Variants in GAREM1 observed in about 807,000 individuals in gnomAD.
GAREM1 encodes GRB2 associated regulator of MAPK1 subtype 1, also known as GRB2-associated and regulator of MAPK protein 1.
GAREM1 carries 26 observed loss-of-function variants against 71.3 expected under a neutral mutation model. The observed-to-expected ratio is 0.36, with a 90% CI of 0.27 to 0.51. The LOEUF (loss-of-function observed/expected upper bound fraction) is 0.51, where lower values mean the gene tolerates loss of function less well. Among genes scored for constraint, GAREM1 ranks in the 20% least tolerant of loss-of-function variants. The pLI, the probability that GAREM1 is intolerant of heterozygous loss-of-function variation, is 0.95. For missense variants in GAREM1, 1,026 were observed against 1,103.1 expected, an observed-to-expected ratio of 0.93 and a Z score of 0.99; for synonymous variants, 440 against 433.2, an observed-to-expected ratio of 1.02 and a Z score of -0.20.
intron 3 of GAREM1, among the ~76,000 whole-genome samples, chr18:32,295,106 C>A (rs1445785901): frequency 6.6e-6 from 1 of 151,650 alleles, no homozygotes; most frequent in African/African-American, 2.4e-5. Flanking sequence ...GCTCTGTCAC[C>A]CAGGCTGGAG....
chr18:32,340,065 T>C (rs1173925580), intron 2 of GAREM1, among the ~76,000 whole-genome samples: 1 of 152,200 alleles, frequency 6.6e-6, no homozygotes, highest in Non-Finnish European at 1.5e-5. Context: ...AACACAGCAG[T>C]TCCCCTGTTC....
intron 2 of GAREM1, among the ~76,000 whole-genome samples, chr18:32,330,716 T>A (rs2047524929): frequency 6.6e-6 from 1 of 152,162 alleles, no homozygotes; most frequent in African/African-American, 2.4e-5. Flanking sequence ...GGGAATGTAC[T>A]ATCAGGATGA....
chr18:32,378,941 T>A (rs540985548), intron 2 of GAREM1, among the ~76,000 whole-genome samples: 1 of 152,300 alleles, frequency 6.6e-6, no homozygotes, highest in East Asian at 1.9e-4. Flanking sequence ...GCTCACTGCT[T>A]ACGGGAGACA....
At position 32,387,647 on chromosome 18, in the gene GAREM1, C is replaced by T. The variant is rs564842043; in HGVS notation, c.262+5248G>A. ...AATTATTTGGTATACCAAGAAAACA[C>T]CTTTTGTCTAAAACTTATTTTGCCA... On this transcript the variant is annotated intron_variant, in intron 2 of 5. Coordinates refer to ENST00000269209, the MANE Select transcript of GAREM1 (RefSeq NM_001242409.2). 7.2e-5 allele frequency among the ~76,000 whole-genome samples: 11 copies of T among 152,244 alleles called. No homozygotes were observed. In the East Asian group the frequency reaches 1.9e-3, roughly 27 times the overall value.
intron 4 of GAREM1, among the ~76,000 whole-genome samples, chr18:32,282,752 C>T (rs553093513): frequency 5.9e-5 from 9 of 152,178 alleles, no homozygotes; most frequent in South Asian, 2.1e-4. Context: ...ATTGCATAGA[C>T]GAGAACAGAC....
At chr18:32,368,170 A>G (rs986524690) in intron 2 of GAREM1, among the ~76,000 whole-genome samples, 4 of 151,652 alleles carry the variant, frequency 2.6e-5, no homozygotes, top group Non-Finnish European at 4.4e-5. Flanking sequence ...ACTCACTCCT[A>G]CAGTTCTCAT....
intron 2 of GAREM1, among the ~76,000 whole-genome samples, chr18:32,356,618 T>C (rs950494884): frequency 1.3e-5 from 2 of 152,214 alleles, no homozygotes; most frequent in African/African-American, 2.4e-5. Context: ...TGTCAGATAC[T>C]GTACAAGTGT....
Position 32,287,814 on chromosome 18 carries a change from G to A in GAREM1, c.783C>T (p.Asp261=), listed in dbSNP as rs1413172849. The A allele has an allele frequency of 6.2e-7, 1 of 1,613,732 alleles. No homozygotes were observed. Among genetic ancestry groups the A allele is most frequent in the Non-Finnish European group, 8.5e-7 (1 of 1,179,994 alleles). ...VPSPPPRNPY[D]LHFIREGHRY... is the part of the protein sequence containing the mutation. ...GGTGCCCCTCACGGATGAAGTGGAG[G>A]TCGTATGGGTTTCTCGGTGGAGGGC... Residue 261 remains aspartate, a synonymous_variant, in exon 4 of 6, where the codon GAC becomes GAT. Coordinates refer to ENST00000269209, the MANE Select transcript of GAREM1 (RefSeq NM_001242409.2). The surrounding 1 kb of genome is among the most constrained non-coding windows in gnomAD (Gnocchi z 5.9).
chr18:32,422,323 G>A (rs2048527018), intron 1 of GAREM1, among the ~76,000 whole-genome samples: 1 of 152,116 alleles, frequency 6.6e-6, no homozygotes, highest in South Asian at 2.1e-4. Context: ...TCCCAGTGAA[G>A]CCTTTGCTGG....
chr18:32,373,864 T>C (rs777765276), intron 2 of GAREM1, among the ~76,000 whole-genome samples: 51 of 152,220 alleles, frequency 3.4e-4, no homozygotes, highest in Non-Finnish European at 5.0e-4. Context: ...TATAAAACAA[T>C]AGATGAGAAT....
chr18:32,411,160 G>T (rs536026468), intron 1 of GAREM1, among the ~76,000 whole-genome samples: 38 of 152,274 alleles, frequency 2.5e-4, no homozygotes, highest in African/African-American at 9.1e-4. Flanking sequence ...GCTGGCTCAG[G>T]TAAATAATTC....
chr18:32,402,980 T>C (rs1262053268), intron 1 of GAREM1, among the ~76,000 whole-genome samples: 4 of 152,112 alleles, frequency 2.6e-5, no homozygotes, highest in Non-Finnish European at 4.4e-5. Context: ...TACAGTGGTG[T>C]GATCTCAGCT....
intron 1 of GAREM1, among the ~76,000 whole-genome samples, chr18:32,456,336 AAGAG>A (rs1473396541): frequency 2.0e-5 from 3 of 152,122 alleles, no homozygotes; most frequent in Non-Finnish European, 4.4e-5. Flanking sequence ...TATATATAAA[AAGAG>A]AGCCCTCAGA....
At chr18:32,337,666 A>G (rs1341484638) in intron 2 of GAREM1, among the ~76,000 whole-genome samples, 1 of 152,206 alleles carries the variant, frequency 6.6e-6, no homozygotes. Flanking sequence ...ACAATGAGTA[A>G]GTGATACGAA....
intron 3 of GAREM1, among the ~76,000 whole-genome samples, chr18:32,297,210 A>T (rs1375791501): frequency 6.6e-6 from 1 of 152,240 alleles, no homozygotes; most frequent in Non-Finnish European, 1.5e-5. Context: ...ATGGATGAAA[A>T]GAACCATGGC....
chr18:32,413,279 G>A (rs536718554), intron 1 of GAREM1: 6 of 1,400,292 alleles, frequency 4.3e-6, no homozygotes, highest in Admixed American at 3.6e-5. Flanking sequence ...GTTTGGGGGA[G>A]TCACTCACAT....
At chr18:32,377,174 G>C (rs1280304631) in intron 2 of GAREM1, among the ~76,000 whole-genome samples, 1 of 152,168 alleles carries the variant, frequency 6.6e-6, no homozygotes, top group Non-Finnish European at 1.5e-5. Flanking sequence ...ACAGAGTATT[G>C]AGTTGGGAAG....
rs2041342786 is a variant in GAREM1, at chr18:32,264,218, GAT to G, written c.*3651_*3652del. ...GGTAACTTGAAAGATAGTGGAAATT[GAT>G]ATAAGAGGCATGTTTCTGAAAGCCC... On this transcript the variant is annotated 3_prime_UTR_variant, in exon 6 of 6. Transcript: ENST00000269209. The G allele has an allele frequency of 6.6e-6, 1 of 152,144 alleles. No homozygotes were observed. Among genetic ancestry groups the G allele is most frequent in the Admixed American group, 6.5e-5 (1 of 15,278 alleles). 9.4% of individuals were successfully genotyped at this position (152,144 alleles called of 1,614,324 possible).
intron 4 of GAREM1, among the ~76,000 whole-genome samples, chr18:32,276,041 T>C (rs536967382): frequency 6.6e-6 from 1 of 152,382 alleles, no homozygotes; most frequent in South Asian, 2.1e-4. Context: ...ACCACTACTC[T>C]GGTGTTGATA....
Sources: gnomAD v4.1 joint callset for allele counts (sites outside exome capture counted in the v4.1 genomes callset) on GRCh38, gnomAD v4.1.1 for gene constraint, Gnocchi (gnomAD v3.1) non-coding constraint, MANE v1.5 for transcripts, NCBI Gene and HGNC (gene_info 2026-07-23, HGNC 2026-07-21) for gene names.